The following MAN1C1 variants were observed in gnomAD, a reference collection of about 807,000 sequenced individuals.
The protein encoded by MAN1C1 is mannosyl-oligosaccharide 1,2-alpha-mannosidase IC.
MAN1C1 carries 49 observed loss-of-function variants against 71.5 expected under a neutral mutation model. The observed-to-expected ratio is 0.69, with a 90% CI of 0.54 to 0.87. MAN1C1 has a LOEUF of 0.87. MAN1C1 is among the 40% of genes least tolerant of loss of function. MAN1C1 has a pLI of 0.00. For synonymous variants in MAN1C1, 352 were observed against 343.7 expected, an observed-to-expected ratio of 1.02 and a Z score of -0.27; for missense variants, 743 against 835.0, an observed-to-expected ratio of 0.89 and a Z score of 1.36.
At chr1:25,703,372 C>G (rs2124224148) in intron 2 of MAN1C1, among the ~76,000 whole-genome samples, 1 of 152,274 alleles carries the variant, frequency 6.6e-6, no homozygotes, top group African/African-American at 2.4e-5. Flanking sequence ...TTTCATTCAG[C>G]TGATGTTTGG....
intron 2 of MAN1C1, among the ~76,000 whole-genome samples, chr1:25,729,182 C>T (rs2124296042): frequency 6.6e-6 from 1 of 152,330 alleles, no homozygotes; most frequent in South Asian, 2.1e-4. Flanking sequence ...ACATTGCTCC[C>T]CTTATTCCCT....
chr1:25,741,395 C>T (rs976835549), intron 2 of MAN1C1, among the ~76,000 whole-genome samples: 2 of 152,146 alleles, frequency 1.3e-5, no homozygotes, highest in African/African-American at 2.4e-5. Flanking sequence ...GAGGAACCAG[C>T]ACAGGAGACT....
At chr1:25,748,454 G>GAA (rs2047167970) in intron 3 of MAN1C1, among the ~76,000 whole-genome samples, 2 of 152,198 alleles carry the variant, frequency 1.3e-5, no homozygotes, top group Admixed American at 6.5e-5. Flanking sequence ...AGGCATGTCT[G>GAA]GCTGTGGGCA....
chr1:25,723,693 C>T (rs984894092), intron 2 of MAN1C1, among the ~76,000 whole-genome samples: 2 of 152,190 alleles, frequency 1.3e-5, no homozygotes, highest in Non-Finnish European at 1.5e-5. Flanking sequence ...GTTCCCTGAG[C>T]CTCAACATCA....
At chr1:25,768,608 T>C (rs1474490163) in intron 7 of MAN1C1, among the ~76,000 whole-genome samples, 17 of 60,920 alleles carry the variant, frequency 2.8e-4, no homozygotes, top group South Asian at 7.4e-4. Context: ...TCCCCTCACA[T>C]ACATCCACAC....
At chr1:25,642,308 G>C (rs994939054) in intron 1 of MAN1C1, among the ~76,000 whole-genome samples, 1 of 152,176 alleles carries the variant, frequency 6.6e-6, no homozygotes, top group African/African-American at 2.4e-5. Flanking sequence ...ACTGATTGAT[G>C]CTCAGGAAAT....
intron 8 of MAN1C1, among the ~76,000 whole-genome samples, chr1:25,772,578 C>T (rs539774017): frequency 1.1e-4 from 15 of 134,848 alleles, no homozygotes; most frequent in African/African-American, 3.3e-4. Context: ...TTGAGCAAGT[C>T]GGATCTACTC....
intron 1 of MAN1C1, among the ~76,000 whole-genome samples, chr1:25,654,901 T>C (rs2045743168): frequency 6.6e-6 from 1 of 152,144 alleles, no homozygotes; most frequent in Non-Finnish European, 1.5e-5. Flanking sequence ...CACCTCGGCC[T>C]CCCAAAGTGT....
intron 8 of MAN1C1, chr1:25,777,442 G>A (rs1464396972): frequency 6.6e-6 from 1 of 152,268 alleles, no homozygotes; most frequent in Admixed American, 6.5e-5. Flanking sequence ...ATGGCCATCA[G>A]GTAGTGGAAG....
intron 8 of MAN1C1, among the ~76,000 whole-genome samples, chr1:25,773,975 G>A (rs945475494): frequency 2.0e-5 from 3 of 152,134 alleles, no homozygotes; most frequent in Non-Finnish European, 4.4e-5. Flanking sequence ...TCTGGGCACT[G>A]GGCCCGGGCC....
intron 2 of MAN1C1, among the ~76,000 whole-genome samples, chr1:25,726,593 G>A (rs568997569): frequency 5.0e-4 from 76 of 152,246 alleles, no homozygotes; most frequent in Non-Finnish European, 8.2e-4. Flanking sequence ...CTGTGAGGCC[G>A]CTGGTGTGGG....
intron 1 of MAN1C1, among the ~76,000 whole-genome samples, chr1:25,684,526 C>T (rs1426095172): frequency 6.6e-6 from 1 of 152,192 alleles, no homozygotes; most frequent in Non-Finnish European, 1.5e-5. Flanking sequence ...CTCTGGGCCT[C>T]AGTTACATCA....
chr1:25,670,694 G>T (rs529108495), intron 1 of MAN1C1, among the ~76,000 whole-genome samples: 1 of 152,330 alleles, frequency 6.6e-6, no homozygotes, highest in Admixed American at 6.5e-5. Context: ...AAGAGACAAA[G>T]CTTTCTGAAT....
intron 2 of MAN1C1, among the ~76,000 whole-genome samples, chr1:25,701,921 G>A (rs1197514282): frequency 3.9e-5 from 6 of 152,160 alleles, no homozygotes; most frequent in African/African-American, 9.7e-5. Flanking sequence ...TCAGCCGGGC[G>A]TGGTGGTGCA....
chr1:25,632,776 A>G (rs1361328362), intron 1 of MAN1C1, among the ~76,000 whole-genome samples: 4 of 151,468 alleles, frequency 2.6e-5, no homozygotes, highest in African/African-American at 9.7e-5. Flanking sequence ...TTTAATTTTC[A>G]TGTATTTGTA....
At chr1:25,699,691 G>A (rs1345017707) in intron 2 of MAN1C1, among the ~76,000 whole-genome samples, 1 of 152,222 alleles carries the variant, frequency 6.6e-6, no homozygotes, top group African/African-American at 2.4e-5. Flanking sequence ...AGGTGATTGG[G>A]CCACTACTGG....
chr1:25,618,112 G>A lies in MAN1C1; in HGVS notation c.315G>A (p.Arg105=). 1 of 1,513,680 alleles carries A rather than the reference G, an allele frequency of 6.6e-7. No homozygotes were observed. The highest frequency in any genetic ancestry group is 8.8e-7 in the Non-Finnish European group (1 of 1,139,032). The allele number at this position is 1,513,680 out of a possible 1,614,324, so 93.8% of individuals were successfully genotyped here. The change falls in exon 1 of 12, where the codon AGG becomes AGA. Residue 105 remains arginine, a synonymous_variant. Transcript: ENST00000374332. ...GCAGCTGGGCCAGTCCCCGCCGCAG[G>A]AAAGGGGGGCTGCGGCGCACCCGCC... is the stretch of plus-strand genomic sequence containing the variant. The part of the protein sequence containing the change: ...DPSSWASPRR[R]KGGLRRTRPT...
At chr1:25,703,972 T>A (rs2046481539) in intron 2 of MAN1C1, among the ~76,000 whole-genome samples, 1 of 152,194 alleles carries the variant, frequency 6.6e-6, no homozygotes, top group Non-Finnish European at 1.5e-5. Context: ...GGGATCTGTC[T>A]GCCCAGTTCC....
chr1:25,731,647 C>T (rs1415762813), intron 2 of MAN1C1, among the ~76,000 whole-genome samples: 11 of 152,216 alleles, frequency 7.2e-5, no homozygotes, highest in Admixed American at 7.2e-4. Flanking sequence ...TCCTCCCTCT[C>T]TAACACAGGT....
Sources: allele counts gnomAD v4.1 joint callset (sites outside exome capture counted in the v4.1 genomes callset), GRCh38; gene constraint gnomAD v4.1.1; transcripts MANE v1.5; gene names NCBI Gene and HGNC (gene_info 2026-07-23, HGNC 2026-07-21).